LAMB4: variants seen among roughly 807,000 people sequenced by gnomAD.
The protein encoded by LAMB4 is laminin subunit beta-4.
Under a neutral mutation model 199.2 loss-of-function variants are expected in LAMB4, and 196 were observed. That is an observed-to-expected ratio of 0.98 (90% CI 0.88 to 1.11). The LOEUF (loss-of-function observed/expected upper bound fraction) is 1.11. LAMB4 is among the 50% of genes least tolerant of loss of function. The pLI is 0.00. For synonymous variants in LAMB4, 744 were observed against 770.6 expected, an observed-to-expected ratio of 0.97 and a Z score of 0.57; for missense variants, 2,080 against 2,171.2, an observed-to-expected ratio of 0.96 and a Z score of 0.83.
chr7:108,013,862 A>G, the LAMB4 span, among the ~76,000 whole-genome samples: 1 of 152,200 alleles, frequency 6.6e-6, no homozygotes, highest in East Asian at 1.9e-4. Context: ...ACAGAGTACC[A>G]AACAGTTACT....
Position 108,130,305 on chromosome 7 carries a change from C to G in LAMB4, c.-34+1G>C, listed in dbSNP as rs1249457112. On this transcript the variant is annotated splice_donor_variant, in intron 1 of 33. Coordinates refer to ENST00000388781, the MANE Select transcript of LAMB4 (RefSeq NM_007356.3). LOFTEE classifies it low-confidence loss of function (5UTR_SPLICE). Reference sequence around the variant, plus strand: ...CTAGTGAGAGAGCAGGCAAGACTTACCAGGATCTGGGAGTCTTTGTGGAGA... The same window carrying G: ...CTAGTGAGAGAGCAGGCAAGACTTAGCAGGATCTGGGAGTCTTTGTGGAGA... 6.6e-6 allele frequency: 1 copy of G among 152,140 alleles called. No homozygotes were observed. Among genetic ancestry groups the G allele is most frequent in the South Asian group, 2.1e-4 (1 of 4,830 alleles). 9.4% of individuals were successfully genotyped at this position (152,140 alleles called of 1,614,324 possible).
intron 16 of LAMB4, 112 bp from the exon 17 acceptor site, chr7:108,077,176 G>A: frequency 9.3e-7 from 1 of 1,080,130 alleles, no homozygotes; most frequent in Non-Finnish European, 1.3e-6. Flanking sequence ...GACCTCCACT[G>A]TGGGGCTGAG....
the LAMB4 span, among the ~76,000 whole-genome samples, chr7:108,015,626 T>A: frequency 1.2e-4 from 18 of 152,196 alleles, no homozygotes; most frequent in East Asian, 2.1e-3. Flanking sequence ...TCCTATATAA[T>A]CAAATAAATT....
intron 28 of LAMB4, among the ~76,000 whole-genome samples, chr7:108,047,242 G>A (rs1481825375): frequency 5.3e-5 from 8 of 151,824 alleles, no homozygotes; most frequent in Admixed American, 2.6e-4. Flanking sequence ...AACTGCACAC[G>A]CCCACTTATA....
In LAMB4 at chr7:108,062,767, A is replaced by G; in HGVS notation, c.3282+7T>C. 1 of 1,411,906 alleles carries G rather than the reference A, an allele frequency of 7.1e-7. No individual in the cohort carries two copies. Among genetic ancestry groups the G allele is most frequent in the East Asian group, 2.6e-5 (1 of 38,144 alleles). 87.5% of individuals were successfully genotyped at this position (1,411,906 alleles called of 1,614,324 possible). ...TGAGTGCACTAGTAAGCTTTAAAGT[A>G]TCTTGCCTGGTCACAGTGGCTACTT... On this transcript the variant is annotated splice_region_variant and intron_variant, in intron 23 of 33. Transcript: ENST00000388781.
chr7:108,032,398 A>T lies in LAMB4; in HGVS notation c.4819-1419T>A, dbSNP rs562680049. The stretch of plus-strand genomic sequence containing the variant: ...GAGCGAGACTCCATCCCAAAAAAAT[A>T]AAAAAAAAAAATCTTTAAAAAGGCA... On this transcript the variant is annotated intron_variant, in intron 31 of 33. Coordinates refer to ENST00000388781, the MANE Select transcript of LAMB4 (RefSeq NM_007356.3). Among the ~76,000 whole-genome samples, 8 of 86,202 alleles carry T rather than the reference A, an allele frequency of 9.3e-5. No individual in the cohort carries two copies. In the East Asian group the frequency reaches 1.1e-3, roughly 12 times the overall value. The allele number at this position is 86,202 out of a possible 152,430, so 56.6% of individuals were successfully genotyped here. A position where few individuals can be genotyped will look rare whatever the true frequency, so the allele number is the denominator to read the frequency against.
In LAMB4 at chr7:108,094,443, T is replaced by C. The variant is rs114830743; in HGVS notation, c.1470+785A>G. 1.3e-5 allele frequency among the ~76,000 whole-genome samples: 2 copies of C among 151,934 alleles called. 1 individual carries two copies. The highest frequency in any genetic ancestry group is 4.2e-4 in the South Asian group (2 of 4,798). On this transcript the variant is annotated intron_variant, in intron 12 of 33. Coordinates refer to ENST00000388781, the MANE Select transcript of LAMB4 (RefSeq NM_007356.3). ...TCTTTCCCCCACCCCCTCTGCCCCA[T>C]CCTGTTTTCAGTAAAATGACTTAAA...
At chr7:108,022,988 A>G (rs990630251), downstream of LAMB4, among the ~76,000 whole-genome samples, 2 of 151,708 alleles carry the variant, frequency 1.3e-5, no homozygotes, top group Admixed American at 1.3e-4. Flanking sequence ...ATTTTTTTGT[A>G]TTTTTAGTAG....
At chr7:108,013,963 AGTAT>A in the LAMB4 span, among the ~76,000 whole-genome samples, 1 of 152,190 alleles carries the variant, frequency 6.6e-6, no homozygotes, top group South Asian at 2.1e-4. Flanking sequence ...ATGACAAAAA[AGTAT>A]GTAACTCATG....
chr7:108,096,996 C>G (rs2037632444), intron 11 of LAMB4, among the ~76,000 whole-genome samples: 1 of 141,008 alleles, frequency 7.1e-6, no homozygotes, highest in Non-Finnish European at 1.5e-5. Context: ...TACACCCCCA[C>G]ACACCAAAAT....
chr7:108,053,677 G>C (rs1008866064), intron 25 of LAMB4, among the ~76,000 whole-genome samples: 5 of 152,182 alleles, frequency 3.3e-5, no homozygotes, highest in African/African-American at 1.2e-4. Flanking sequence ...CTCCAGACCT[G>C]GGCTGGGCAC....
chr7:108,107,391 G>A (rs1367320757), intron 6 of LAMB4, among the ~76,000 whole-genome samples: 3 of 152,128 alleles, frequency 2.0e-5, no homozygotes, highest in Non-Finnish European at 2.9e-5. Context: ...TGGGGCCATG[G>A]TGCCCCGTTT....
intron 31 of LAMB4, among the ~76,000 whole-genome samples, chr7:108,033,735 A>ATT (rs556578520): frequency 1.9e-4 from 19 of 102,056 alleles, no homozygotes; most frequent in East Asian, 1.2e-3. Flanking sequence ...TTGGATGAGT[A>ATT]TTTTTTTTTT....
At chr7:108,069,594 G>T in intron 18 of LAMB4, 114 bp downstream of exon 18, 3 of 877,484 alleles carry the variant, frequency 3.4e-6, no homozygotes, top group African/African-American at 1.7e-5. Flanking sequence ...TAATCATTGA[G>T]TGATGGGTAT....
In LAMB4 at chr7:108,027,026, G is replaced by A. The variant is rs1446171965; in HGVS notation, c.5146+2017C>T. ...TAATTTCAAGAACTATAAAAGCTGT[G>A]GTCAATGGGGATCAGTGGAAACAAT... On this transcript the variant is annotated intron_variant, in intron 33 of 33. Transcript: ENST00000388781. 1.1e-4 allele frequency: 45 copies of A among 409,628 alleles called. No homozygotes were observed. The East Asian group carries it at 2.7e-3, about 25-fold the overall frequency. 25.4% of individuals were successfully genotyped at this position (409,628 alleles called of 1,614,324 possible).
In LAMB4 at chr7:108,055,766, T is replaced by C; in HGVS notation, c.3621A>G (p.Arg1207=). 1 of 1,614,250 alleles carries C rather than the reference T, an allele frequency of 6.2e-7. No homozygotes were observed. Among genetic ancestry groups the C allele is most frequent in the Admixed American group, 1.7e-5 (1 of 60,032 alleles). The change falls in exon 25 of 34, where the codon AGA becomes AGG. Residue 1207 remains arginine (R), a synonymous_variant. Coordinates refer to ENST00000388781, the MANE Select transcript of LAMB4 (RefSeq NM_007356.3). ...MRLAANMEDK[R]ETLPVCEADF... ...CTGCCTCACAGACAGGCAGGGTCTC[T>C]CTTTTATCTTCCATGTTAGCAGCCA...
At chr7:108,025,251 G>T (rs893502812) in intron 33 of LAMB4, among the ~76,000 whole-genome samples, 1 of 152,044 alleles carries the variant, frequency 6.6e-6, no homozygotes, top group Non-Finnish European at 1.5e-5. Context: ...GAAACTAGCA[G>T]GTGAAGCTCC....
Position 108,034,315 on chromosome 7 carries a change from T to C in LAMB4, c.4711A>G (p.Lys1571Glu). The C allele has an allele frequency of 6.2e-7, 1 of 1,611,636 alleles. No homozygotes were observed. Among genetic ancestry groups the C allele is most frequent in the Non-Finnish European group, 8.5e-7 (1 of 1,177,740 alleles). ...GCTTGTTGTAACTGGTTCAATGTTT[T>C]GTCAAGATTTAATAGAATATTTGCT... is the stretch of plus-strand genomic sequence containing the variant. ...KAANILLNLD[K>E]TLNQLQQAQI... is the part of the protein sequence containing the mutation. The change falls in exon 31 of 34, where the codon AAA becomes GAA. Residue 1571 changes from lysine (K) to glutamate (E), a missense_variant. Lys to Glu is a moderately conservative substitution (Grantham distance 56, BLOSUM62 1). Coordinates refer to ENST00000388781, the MANE Select transcript of LAMB4 (RefSeq NM_007356.3).
intron 14 of LAMB4, among the ~76,000 whole-genome samples, chr7:108,080,978 T>C (rs934771023): frequency 1.3e-5 from 2 of 151,996 alleles, no homozygotes; most frequent in African/African-American, 2.4e-5. Context: ...AAAAATTATC[T>C]GGGAGTGGTG....
Sources: allele counts gnomAD v4.1 joint callset (sites outside exome capture counted in the v4.1 genomes callset), GRCh38; gene constraint gnomAD v4.1.1; transcripts MANE v1.5; gene names NCBI Gene and HGNC (gene_info 2026-07-23, HGNC 2026-07-21).